PLOD3: variants seen among roughly 807,000 people sequenced by gnomAD.
The protein encoded by PLOD3 is multifunctional procollagen lysine hydroxylase and glycosyltransferase LH3.
PLOD3 carries 73 observed loss-of-function variants against 96.9 expected under a neutral mutation model. That is an observed-to-expected ratio of 0.75 (90% CI 0.62 to 0.92). The LOEUF is 0.92. Among genes scored for constraint, PLOD3 ranks in the 40% least tolerant of loss-of-function variants. The probability of loss-of-function intolerance (pLI) is 0.00; values close to 1 mark genes in which losing one functional copy is unlikely to be tolerated. For synonymous variants in PLOD3, 454 were observed against 413.7 expected (o/e 1.10, Z -1.18); for missense variants, 1,004 against 1,004.3 (o/e 1.00, Z 0.00).
In PLOD3 at chr7:101,216,707, G is replaced by C. The variant is rs145886391; in HGVS notation, c.189C>G (p.Asn63Lys). ...LRFLRSAEFFNYTVRTLGLGE... is the reference protein window; with the variant it reads ...LRFLRSAEFFKYTVRTLGLGE... ...TCCCTCTCCTCACCCGCACAGTGTA[G>C]TTGAAGAACTCCGCAGAGCGCAGGA... Residue 63 changes from asparagine to lysine, a missense_variant, in exon 2 of 19, where the codon AAC (asparagine) becomes AAG (lysine). Asn to Lys is a moderately conservative substitution (Grantham distance 94). Coordinates refer to ENST00000223127, the MANE Select transcript of PLOD3 (RefSeq NM_001084.5). 1 of 1,613,650 alleles carries C rather than the reference G, an allele frequency of 6.2e-7. No individual in the cohort carries two copies. The highest frequency in any genetic ancestry group is 1.3e-5 in the African/African-American group (1 of 74,894).
chr7:101,212,648 G>C lies in PLOD3; in HGVS notation c.887C>G (p.Pro296Arg), dbSNP rs143577626. The C allele has an allele frequency of 2.1e-4, 342 of 1,613,798 alleles. No homozygotes were observed. Among genetic ancestry groups the C allele is most frequent in the African/African-American group, 1.5e-3 (111 of 74,976 alleles). The change falls in exon 9 of 19, where the codon CCC becomes CGC. Residue 296 changes from proline to arginine, a missense_variant. Pro to Arg is a moderately radical substitution (Grantham distance 103). Coordinates refer to ENST00000223127, the MANE Select transcript of PLOD3 (RefSeq NM_001084.5). ...CACAAACACGGCCAGAAACACCCGG[G>C]GGGGAGGCTGGAAGATGCAACACGC... ...RRTLPGGQPP[P>R]RVFLAVFVEQ...
chr7:101,206,520 A>G, intron 18 of PLOD3, 84 bp from the exon 19 acceptor site: 1 of 1,301,956 alleles, frequency 7.7e-7, no homozygotes. Flanking sequence ...GGGCGGCCAG[A>G]CCGGGGGGCA....
rs1345462159 is a variant in PLOD3 at position 101,216,201 on chromosome 7, G to A, written c.464C>T (p.Pro155Leu). 3 of 1,614,014 alleles carry A rather than the reference G, an allele frequency of 1.9e-6. No homozygotes were observed. Among genetic ancestry groups the A allele is most frequent in the East Asian group, 4.5e-5 (2 of 44,878 alleles). ...WPEWGLAEQY[P>L]EVGTGKRFLN... Reference sequence around the variant, plus strand: ...GAAGCGCTTCCCCGTGCCCACCTCAGGGTACTGCTCCGCCAGCCCCCACTC... The same window carrying A: ...GAAGCGCTTCCCCGTGCCCACCTCAAGGTACTGCTCCGCCAGCCCCCACTC... Residue 155 changes from proline (P) to leucine (L), a missense_variant, in exon 4 of 19, where the codon CCT becomes CTT. Pro to Leu is a moderately conservative substitution (Grantham distance 98). Coordinates refer to ENST00000223127, the MANE Select transcript of PLOD3 (RefSeq NM_001084.5).
At chr7:101,208,116 G>C (rs369396571) in intron 16 of PLOD3, among the ~76,000 whole-genome samples, 2 of 152,040 alleles carry the variant, frequency 1.3e-5, no homozygotes, top group South Asian at 4.1e-4. Flanking sequence ...TCTTTTTTTA[G>C]AGACAGAGTC....
intron 6 of PLOD3, 50 bp from the exon 7 acceptor site, chr7:101,213,254 C>G: frequency 1.7e-6 from 2 of 1,184,258 alleles, no homozygotes; most frequent in East Asian, 2.3e-5. Flanking sequence ...TGGGAGCTAC[C>G]AAGCAACACA....
At position 101,212,586 on chromosome 7, in the gene PLOD3, G is replaced by A. The variant is rs1258773963; in HGVS notation, c.949C>T (p.Arg317Trp). 10 of 1,613,670 alleles carry A rather than the reference G, an allele frequency of 6.2e-6. No homozygotes were observed. The highest frequency in any genetic ancestry group is 3.3e-5 in the South Asian group (3 of 91,088). ...GGGGGATAGTCCAGGAGTAGCAGCCGCTGCAGGAAGCGGGGCAGAAACGGA... is the reference window on the plus strand; with the variant it reads ...GGGGGATAGTCCAGGAGTAGCAGCCACTGCAGGAAGCGGGGCAGAAACGGA... ...PTPFLPRFLQ[R>W]LLLLDYPPDR... The change falls in exon 9 of 19, where the codon CGG becomes TGG. Residue 317 changes from arginine (R) to tryptophan (W), a missense_variant. Arg to Trp is a moderately radical substitution (Grantham distance 101, BLOSUM62 -3). Around this residue, in one of 5 missense-constraint regions of PLOD3, gnomAD observed 690 missense variants for 650.2 expected, o/e 1.06. Coordinates refer to ENST00000223127, the MANE Select transcript of PLOD3 (RefSeq NM_001084.5).
In PLOD3 at chr7:101,208,864, C is replaced by T. The variant is rs531449765; in HGVS notation, c.1777G>A (p.Gly593Ser). 21 of 1,611,994 alleles carry T rather than the reference C, an allele frequency of 1.3e-5. No individual in the cohort carries two copies. The Admixed American group carries it at 1.5e-4, about 12-fold the overall frequency. ...GCCCAGGCCCTTACCTCATGCCGGC[C>T]GCCTGACCACTGGCCGTAGTGCTCC... ...EMEHYGQWSG[G>S]RHEDSRLAGG... Residue 593 changes from glycine (G) to serine (S), a missense_variant, in exon 16 of 19, where the codon GGC becomes AGC. This residue lies in a region of PLOD3 where 222 missense variants were observed against 220.4 expected (regional missense o/e 1.01). Coordinates refer to ENST00000223127, the MANE Select transcript of PLOD3 (RefSeq NM_001084.5).
chr7:101,209,670 G>A (rs937267690), intron 15 of PLOD3, among the ~76,000 whole-genome samples: 1 of 150,596 alleles, frequency 6.6e-6, no homozygotes, highest in African/African-American at 2.4e-5. Flanking sequence ...GGGATTACAA[G>A]CATGAGCACC....
Position 101,213,094 on chromosome 7 carries a change from C to T in PLOD3, c.777+13G>A. On this transcript the variant is annotated intron_variant, in intron 7 of 18. Transcript: ENST00000223127. ...GGGCAGGGCGGGGCGGGGGTTGAGA[C>T]CACTGGTGGCACCTTAGTGGGACCG... 1 of 1,589,038 alleles carries T rather than the reference C, an allele frequency of 6.3e-7. No individual in the cohort carries two copies. The highest frequency in any genetic ancestry group is 1.3e-5 in the African/African-American group (1 of 74,486).
Position 101,210,144 on chromosome 7 carries a change from G to A in PLOD3, c.1632C>T (p.Tyr544=). The change falls in exon 15 of 19, where the codon TAC becomes TAT. Residue 544 remains tyrosine, a synonymous_variant. Coordinates refer to ENST00000223127, the MANE Select transcript of PLOD3 (RefSeq NM_001084.5). ...FDNPVDWKEQ[Y]IHENYSRALE... is the part of the protein sequence containing the mutation. ...GGGCCCGGCTGTAGTTCTCGTGGAT[G>A]TACTGCTCCTTCCAGTCCTGTGAGA... The A allele has an allele frequency of 1.9e-6, 3 of 1,608,096 alleles. No homozygotes were observed. Among genetic ancestry groups the A allele is most frequent in the Non-Finnish European group, 2.5e-6 (3 of 1,177,288 alleles).
At position 101,206,068 on chromosome 7, in the gene PLOD3, G is replaced by C; in HGVS notation, c.*213C>G. The C allele has an allele frequency of 1.6e-6, 1 of 634,642 alleles. No individual in the cohort carries two copies. Among genetic ancestry groups the C allele is most frequent in the Non-Finnish European group, 2.8e-6 (1 of 356,476 alleles). The allele number at this position is 634,642 out of a possible 1,614,324, so 39.3% of individuals were successfully genotyped here. Reference sequence around the variant, plus strand: ...GAGTCCCCAGAAGCCCTGTGCCCACGAACCCCTGTGGGCGGAGGAGAGAGG... The same window carrying C: ...GAGTCCCCAGAAGCCCTGTGCCCACCAACCCCTGTGGGCGGAGGAGAGAGG... On this transcript the variant is annotated 3_prime_UTR_variant, in exon 19 of 19. Coordinates refer to ENST00000223127, the MANE Select transcript of PLOD3 (RefSeq NM_001084.5).
chr7:101,216,901 C>T (rs1798286504), intron 1 of PLOD3, 115 bp from the exon 2 acceptor site: 4 of 820,644 alleles, frequency 4.9e-6, no homozygotes, highest in Non-Finnish European at 8.2e-6. Context: ...CATTCTTAAA[C>T]TCTTCTCACC....
chr7:101,216,498 C>G lies in PLOD3; in HGVS notation c.250G>C (p.Val84Leu). 6.2e-7 allele frequency: 1 copy of G among 1,614,130 alleles called. No homozygotes were observed. Among genetic ancestry groups the G allele is most frequent in the Non-Finnish European group, 8.5e-7 (1 of 1,180,008 alleles). Residue 84 changes from valine (V) to leucine (L), a missense_variant, in exon 3 of 19, where the codon GTT (valine) becomes CTT (leucine). Physicochemically the swap from Val to Leu is conservative, Grantham distance 32. Coordinates refer to ENST00000223127, the MANE Select transcript of PLOD3 (RefSeq NM_001084.5). ...CACCGGACCTTCTGTCCTCCACCAA[C>G]TGTTCGAGCCACATCACCCCCTCGC... ...EWRGGDVART[V>L]GGGQKVRWLK...
intron 6 of PLOD3, chr7:101,213,517 TTTTTA>T: frequency 8.4e-5 from 27 of 322,100 alleles, no homozygotes; most frequent in Non-Finnish European, 1.3e-4. Context: ...TTTTTTTTTT[TTTTTA>T]TTTTTATTTT....
chr7:101,209,612 G>A (rs967232443), intron 15 of PLOD3, among the ~76,000 whole-genome samples: 2 of 144,454 alleles, frequency 1.4e-5, no homozygotes, highest in African/African-American at 2.6e-5. Flanking sequence ...GGCTGGTCTC[G>A]AACTCCTGAC....
chr7:101,215,016 A>C, intron 6 of PLOD3, 73 bp downstream of exon 6: 17 of 1,140,338 alleles, frequency 1.5e-5, no homozygotes, highest in Non-Finnish European at 1.3e-5. Flanking sequence ...GCTCCTCCAG[A>C]AGCCTCTCCC....
chr7:101,217,420 T>C lies in PLOD3; in HGVS notation c.-146A>G, dbSNP rs1297489464. 2.7e-6 allele frequency: 2 copies of C among 737,894 alleles called. No homozygotes were observed. Among genetic ancestry groups the C allele is most frequent in the African/African-American group, 1.9e-5 (1 of 53,536 alleles). The allele number at this position is 737,894 out of a possible 1,614,324, so 45.7% of individuals were successfully genotyped here. On this transcript the variant is annotated 5_prime_UTR_variant, in exon 1 of 19. Coordinates refer to ENST00000223127, the MANE Select transcript of PLOD3 (RefSeq NM_001084.5). Reference sequence around the variant, plus strand: ...GAGCAGCTTGGCTGGGGCTACGCCCTGAAAAAAAGGCGTATCCGGAGGCTA... The same window carrying C: ...GAGCAGCTTGGCTGGGGCTACGCCCCGAAAAAAAGGCGTATCCGGAGGCTA...
rs554834530 is a variant in PLOD3, at chr7:101,209,844, T to G, written c.1683+249A>C. On this transcript the variant is annotated intron_variant, in intron 15 of 18. Transcript: ENST00000223127. The stretch of plus-strand genomic sequence containing the variant: ...GCATGAGCCACTGAGCCCAGCCCCA[T>G]TCTTCTTTTAAGATGTGATTTCAAG... The G allele has an allele frequency of 1.7e-5, 8 of 462,574 alleles. No individual in the cohort carries two copies. The Admixed American group carries it at 1.9e-4, about 11-fold the overall frequency. 28.7% of individuals were successfully genotyped at this position (462,574 alleles called of 1,614,324 possible). A position where few individuals can be genotyped will look rare whatever the true frequency, so the allele number is the denominator to read the frequency against.
Position 101,206,312 on chromosome 7 carries a change from C to T in PLOD3, c.2186G>A (p.Arg729His), listed in dbSNP as rs1361548571. 4 of 1,613,996 alleles carry T rather than the reference C, an allele frequency of 2.5e-6. No individual in the cohort carries two copies. Among genetic ancestry groups the T allele is most frequent in the South Asian group, 1.1e-5 (1 of 91,088 alleles). Residue 729 changes from arginine (R) to histidine (H), a missense_variant, in exon 19 of 19, where the codon CGC (arginine) becomes CAC (histidine). Arg to His is a conservative substitution (Grantham distance 29). Coordinates refer to ENST00000223127, the MANE Select transcript of PLOD3 (RefSeq NM_001084.5). ...HEGLPTTWGT[R>H]YIMVSFVDP Reference sequence around the variant, plus strand: ...GTCGACAAAGGACACCATGATGTAGCGTGTGCCCCAGGTCGTTGGCAGCCC... The same window carrying T: ...GTCGACAAAGGACACCATGATGTAGTGTGTGCCCCAGGTCGTTGGCAGCCC...
Sources: gnomAD v4.1 joint callset for allele counts (sites outside exome capture counted in the v4.1 genomes callset) on GRCh38, gnomAD v4.1.1 for gene constraint, gnomAD v4.1.1 regional missense constraint, MANE v1.5 for transcripts, NCBI Gene and HGNC (gene_info 2026-07-23, HGNC 2026-07-21) for gene names.